The following MYH14 variants were observed in gnomAD, a reference collection of about 807,000 sequenced individuals.
MYH14 encodes the protein myosin-14.
In MYH14, 123 loss-of-function variants were observed where a neutral mutation model predicts 255.5. The observed-to-expected ratio is 0.48, with a 90% CI of 0.42 to 0.56. The LOEUF (loss-of-function observed/expected upper bound fraction) is 0.56. Ranked by LOEUF, MYH14 falls within the 20% of genes least tolerant of loss-of-function variation. The pLI is 0.00. For missense variants in MYH14, 2,423 were observed against 2,802.3 expected, an observed-to-expected ratio of 0.86 and a Z score of 3.06; for synonymous variants, 1,095 against 1,161.2, an observed-to-expected ratio of 0.94 and a Z score of 1.16.
chr19:50,248,400 C>T (rs191508164), intron 12 of MYH14, among the ~76,000 whole-genome samples: 2 of 152,098 alleles, frequency 1.3e-5, no homozygotes, highest in African/African-American at 4.8e-5. Context: ...GAGCTCACAC[C>T]ATGAGCAGGG....
Position 50,221,202 on chromosome 19 carries a change from G to A in MYH14, c.563-1881G>A, listed in dbSNP as rs1057147192. Among the ~76,000 whole-genome samples, 2 of 152,102 alleles carry A rather than the reference G, an allele frequency of 1.3e-5. No individual in the cohort carries two copies. The highest frequency in any genetic ancestry group is 2.9e-5 in the Non-Finnish European group (2 of 68,020). On this transcript the variant is annotated intron_variant, in intron 3 of 42. Coordinates refer to ENST00000642316, the MANE Select transcript of MYH14 (RefSeq NM_001145809.2). The surrounding 1 kb of genome is among the most constrained non-coding windows in gnomAD (Gnocchi z 5.3). ...GCTGAGTGCATTTTGAGCATTCTGA[G>A]TTCTGACTACAGCCCTGGGAGATGG...
In MYH14 at chr19:50,255,253, G is replaced by C; in HGVS notation, c.1979G>C (p.Gly660Ala). ...GGCTTCCAGCAGTTCTCTTTCCTTG[G>C]CTCCTTCCCACCGTCGCCCCCAGGA... The part of the protein sequence containing the change: ...HGGFQQFSFL[G>A]SFPPSPPGSA... Residue 660 changes from glycine to alanine, a missense_variant, in exon 17 of 43, where the codon GGC (glycine) becomes GCC (alanine). By Grantham distance (60) the Gly-to-Ala change is moderately conservative. This residue lies in a region of MYH14 where 672 missense variants were observed against 881.8 expected (regional missense o/e 0.76). Transcript: ENST00000642316. 6.4e-7 allele frequency: 1 copy of C among 1,551,344 alleles called. No homozygotes were observed. The highest frequency in any genetic ancestry group is 8.7e-7 in the Non-Finnish European group (1 of 1,146,966).
At chr19:50,267,110 C>G in intron 23 of MYH14, 102 bp downstream of exon 23, 1 of 1,202,028 alleles carries the variant, frequency 8.3e-7, no homozygotes, top group Non-Finnish European at 1.2e-6. Context: ...CTGAGCCAGC[C>G]TGTGCCCAGG....
At chr19:50,218,195 G>A (rs1221848280) in intron 3 of MYH14, among the ~76,000 whole-genome samples, 1 of 151,978 alleles carries the variant, frequency 6.6e-6, no homozygotes, top group Non-Finnish European at 1.5e-5. Flanking sequence ...GGCCAGGCTG[G>A]TCTCAAACTC....
In MYH14 at chr19:50,249,856, C is replaced by T. The variant is rs371629136; in HGVS notation, c.1656+33C>T. On this transcript the variant is annotated intron_variant, in intron 14 of 42. Coordinates refer to ENST00000642316, the MANE Select transcript of MYH14 (RefSeq NM_001145809.2). ...CCAGGCCCCTCCCAGCCCACACTCA[C>T]GGTTCAGATCCGTCTCTCCCAGCAT... The T allele has an allele frequency of 2.8e-4, 452 of 1,611,336 alleles. 1 individual carries two copies. Among genetic ancestry groups the T allele is most frequent in the Non-Finnish European group, 3.4e-4 (401 of 1,178,328 alleles).
rs1354406159 is a variant in MYH14 at position 50,231,988 on chromosome 19, C to G, written c.1032C>G (p.Ser344=). The change falls in exon 10 of 43, where the codon TCC becomes TCG. Residue 344 remains serine, a synonymous_variant. Transcript: ENST00000642316. ...HYRFLTNGPS[S]SPGQERELFQ... ...GGTTCCTGACCAACGGGCCGTCATCCTCTCCCGGCCAGGAGCGGGAACTCT... is the reference window on the plus strand; with the variant it reads ...GGTTCCTGACCAACGGGCCGTCATCGTCTCCCGGCCAGGAGCGGGAACTCT... 6.2e-7 allele frequency: 1 copy of G among 1,613,818 alleles called. No homozygotes were observed. Among genetic ancestry groups the G allele is most frequent in the South Asian group, 1.1e-5 (1 of 91,094 alleles).
At chr19:50,279,620 T>C (rs1242886359) in intron 30 of MYH14, among the ~76,000 whole-genome samples, 2 of 152,108 alleles carry the variant, frequency 1.3e-5, no homozygotes, top group Non-Finnish European at 2.9e-5. Flanking sequence ...GCAACAAGAG[T>C]GAAACTCTGT....
chr19:50,211,632 A>G (rs1369038959), intron 2 of MYH14, among the ~76,000 whole-genome samples: 17 of 152,112 alleles, frequency 1.1e-4, no homozygotes, highest in East Asian at 1.9e-4. Flanking sequence ...AGGTCACACA[A>G]TTAGACCTGA....
intron 10 of MYH14, among the ~76,000 whole-genome samples, chr19:50,243,294 G>C (rs1372701299): frequency 6.6e-6 from 1 of 152,040 alleles, no homozygotes. Context: ...AAATTAGCCG[G>C]GTGTGGTGGT....
intron 39 of MYH14, among the ~76,000 whole-genome samples, chr19:50,296,772 G>A (rs972695130): frequency 1.3e-5 from 2 of 152,260 alleles, no homozygotes; most frequent in Non-Finnish European, 2.9e-5. Context: ...AAGTCAACGT[G>A]AAGAGCCTCG....
At chr19:50,207,269 G>C (rs978826261) in intron 1 of MYH14, among the ~76,000 whole-genome samples, 2 of 113,256 alleles carry the variant, frequency 1.8e-5, no homozygotes, top group Non-Finnish European at 3.5e-5. Flanking sequence ...GAGAGAGAGA[G>C]ACAGAGAGAG....
intron 40 of MYH14, among the ~76,000 whole-genome samples, chr19:50,306,056 A>G (rs1309799445): frequency 6.6e-6 from 1 of 152,164 alleles, no homozygotes; most frequent in Non-Finnish European, 1.5e-5. Flanking sequence ...AGGCGGGCGG[A>G]TCATCTGAGG....
chr19:50,281,317 G>T (rs1018991897), intron 32 of MYH14, among the ~76,000 whole-genome samples: 13 of 152,156 alleles, frequency 8.5e-5, no homozygotes, highest in Admixed American at 8.5e-4. Context: ...CCCTGGCTGT[G>T]ACTCTGTGTC....
chr19:50,275,534 G>A (rs894363948), intron 27 of MYH14, among the ~76,000 whole-genome samples: 1 of 152,286 alleles, frequency 6.6e-6, no homozygotes, highest in Non-Finnish European at 1.5e-5. Context: ...ACTGAGGTTC[G>A]AAATGAGTCA....
intron 3 of MYH14, among the ~76,000 whole-genome samples, chr19:50,220,299 T>A (rs1293375564): frequency 6.6e-6 from 1 of 151,018 alleles, no homozygotes; most frequent in African/African-American, 2.4e-5. Context: ...GATTAAATAG[T>A]ATAATATTGT....
At position 50,217,650 on chromosome 19, in the gene MYH14, G is replaced by A. The variant is rs201657201; in HGVS notation, c.441G>A (p.Pro147=). ...GCCTTTTCTGTGTGGTCATCAACCC[G>A]TACAAGCAGCTTCCCATCTACACAG... ...YSGLFCVVIN[P]YKQLPIYTEA... The change falls in exon 3 of 43, where the codon CCG becomes CCA. Residue 147 remains proline (P), a synonymous_variant. Coordinates refer to ENST00000642316, the MANE Select transcript of MYH14 (RefSeq NM_001145809.2). The A allele has an allele frequency of 2.7e-5, 43 of 1,613,806 alleles. No individual in the cohort carries two copies. The highest frequency in any genetic ancestry group is 4.4e-5 in the South Asian group (4 of 91,078).
intron 1 of MYH14, among the ~76,000 whole-genome samples, chr19:50,207,259 G>GAGAGAGAGAGAA (rs2031830262): frequency 7.7e-6 from 1 of 130,210 alleles, no homozygotes; most frequent in Admixed American, 8.1e-5. Context: ...GAGAGAGAAA[G>GAGAGAGAGAGAA]AGAGAGAGAG....
chr19:50,263,447 C>A (rs1442920165), intron 22 of MYH14, 27 bp downstream of exon 22: 3 of 1,537,986 alleles, frequency 2.0e-6, no homozygotes, highest in East Asian at 2.4e-5. Context: ...GAGGTGGCCC[C>A]AGTAGGGAGA....
At chr19:50,255,400 A>G in intron 17 of MYH14, 82 bp downstream of exon 17, 1 of 1,010,556 alleles carries the variant, frequency 9.9e-7, no homozygotes. Context: ...GGTTTTGAAC[A>G]TCTGTCCCCT....
Sources: gnomAD v4.1 joint callset for allele counts (sites outside exome capture counted in the v4.1 genomes callset) on GRCh38, gnomAD v4.1.1 for gene constraint, gnomAD v4.1.1 regional missense constraint, Gnocchi (gnomAD v3.1) non-coding constraint, MANE v1.5 for transcripts, NCBI Gene and HGNC (gene_info 2026-07-23, HGNC 2026-07-21) for gene names.